The following NTF3 variants were observed in gnomAD, a reference collection of about 807,000 sequenced individuals.
NTF3 encodes the protein neurotrophin-3.
A neutral mutation model predicts 26.3 loss-of-function variants in NTF3; 8 were observed. That is an observed-to-expected ratio of 0.30 (90% confidence interval 0.18 to 0.55). NTF3 has a LOEUF of 0.55. NTF3 is among the 20% of genes least tolerant of loss of function. NTF3 has a pLI of 0.93. For missense variants in NTF3, 276 were observed against 352.9 expected (o/e 0.78, Z 1.75); for synonymous variants, 154 against 145.5 (o/e 1.06, Z -0.42).
chr12:5,470,873 G>A (rs923060320), intron 1 of NTF3, among the ~76,000 whole-genome samples: 2 of 152,208 alleles, frequency 1.3e-5, no homozygotes, highest in African/African-American at 4.8e-5. Context: ...GTGTGGCCCA[G>A]ATGATTTCTG....
rs1052584724 is a variant in NTF3 at position 5,432,244 on chromosome 12, G to C, written c.-81G>C. The C allele has an allele frequency of 1.3e-6, 2 of 1,482,228 alleles. No homozygotes were observed. The highest frequency in any genetic ancestry group is 2.8e-5 in the African/African-American group (2 of 72,308). 91.8% of individuals were successfully genotyped at this position (1,482,228 alleles called of 1,614,324 possible). On this transcript the variant is annotated 5_prime_UTR_variant, in exon 1 of 2. Coordinates refer to ENST00000423158, the MANE Select transcript of NTF3 (RefSeq NM_001102654.2). ...CCTGCTGGGTAGTGGCTGCGGCGGG[G>C]TGGGGGAGACTTTGAATGACCGAGC...
intron 1 of NTF3, among the ~76,000 whole-genome samples, chr12:5,465,125 T>C (rs1250768006): frequency 6.6e-6 from 1 of 152,090 alleles, no homozygotes; most frequent in Non-Finnish European, 1.5e-5. Flanking sequence ...CAAGCTCACA[T>C]CTCCCGCCCT....
At chr12:5,457,486 G>A (rs1940466485) in intron 1 of NTF3, among the ~76,000 whole-genome samples, 1 of 152,060 alleles carries the variant, frequency 6.6e-6, no homozygotes, top group Non-Finnish European at 1.5e-5. Context: ...CCTGGTTTTT[G>A]TCCTACCTCT....
intron 1 of NTF3, among the ~76,000 whole-genome samples, chr12:5,477,237 C>T (rs1310229741): frequency 6.6e-6 from 1 of 152,150 alleles, no homozygotes; most frequent in Admixed American, 6.5e-5. Context: ...AATCCCAGCT[C>T]CGCTAAGCTG....
chr12:5,491,929 T>C (rs966302765), intron 1 of NTF3, among the ~76,000 whole-genome samples: 6 of 151,982 alleles, frequency 3.9e-5, no homozygotes, highest in Admixed American at 2.6e-4. Flanking sequence ...TTAGCCAGGA[T>C]GGTCTCGATC....
intron 1 of NTF3, among the ~76,000 whole-genome samples, chr12:5,482,036 GCATA>G (rs1940812702): frequency 6.6e-6 from 1 of 151,246 alleles, no homozygotes; most frequent in Non-Finnish European, 1.5e-5. Context: ...ACACTCGCAG[GCATA>G]CATGCATGCA....
At chr12:5,446,701 T>A (rs1171472142) in intron 1 of NTF3, among the ~76,000 whole-genome samples, 1 of 152,206 alleles carries the variant, frequency 6.6e-6, no homozygotes, top group Non-Finnish European at 1.5e-5. Context: ...TATGGAATCA[T>A]TGCAATCCCT....
intron 1 of NTF3, among the ~76,000 whole-genome samples, chr12:5,484,348 A>G (rs1426006259): frequency 1.3e-5 from 2 of 152,144 alleles, no homozygotes; most frequent in African/African-American, 2.4e-5. Context: ...GATAATAATC[A>G]TTTCTTCTCT....
intron 1 of NTF3, among the ~76,000 whole-genome samples, chr12:5,434,985 G>A (rs777204589): frequency 5.9e-5 from 9 of 152,140 alleles, no homozygotes; most frequent in Non-Finnish European, 1.0e-4. Flanking sequence ...TGCAGGGAAG[G>A]ACACCGGGTT....
At position 5,467,228 on chromosome 12, in the gene NTF3, C is replaced by CAAAAAAAAAAA. The variant is rs60794349; in HGVS notation, c.19-26941_19-26931dup. On this transcript the variant is annotated intron_variant, in intron 1 of 1. Coordinates refer to ENST00000423158, the MANE Select transcript of NTF3 (RefSeq NM_001102654.2). ...TGTGCAACAGAGCGAGACTCCGTCT[C>CAAAAAAAAAAA]AAAAAAAAAAAAAAAAAAAAAAAAA... Among the ~76,000 whole-genome samples the CAAAAAAAAAAA allele has an allele frequency of 7.3e-4, 36 of 49,550 alleles. 3 individuals carry two copies. Among genetic ancestry groups the CAAAAAAAAAAA allele is most frequent in the African/African-American group, 2.6e-3 (27 of 10,280 alleles). The allele number at this position is 49,550 out of a possible 152,430, so 32.5% of individuals were successfully genotyped here. A position where few individuals can be genotyped will look rare whatever the true frequency, so the allele number is the denominator to read the frequency against.
chr12:5,470,177 G>A (rs1446637496), intron 1 of NTF3, among the ~76,000 whole-genome samples: 1 of 152,146 alleles, frequency 6.6e-6, no homozygotes, highest in African/African-American at 2.4e-5. Context: ...ACCCGCCTCG[G>A]CCTCCCAAAG....
At chr12:5,471,005 G>A (rs1275227636) in intron 1 of NTF3, among the ~76,000 whole-genome samples, 2 of 151,342 alleles carry the variant, frequency 1.3e-5, no homozygotes, top group African/African-American at 4.8e-5. Flanking sequence ...TTTTGGCAAT[G>A]CAAGTTTCCA....
chr12:5,453,662 T>G (rs1940402533), intron 1 of NTF3, among the ~76,000 whole-genome samples: 1 of 152,236 alleles, frequency 6.6e-6, no homozygotes, highest in Admixed American at 6.5e-5. Context: ...TCTTCTCGCA[T>G]TTGCCTAGTC....
chr12:5,438,745 T>G (rs989758128), intron 1 of NTF3, among the ~76,000 whole-genome samples: 8 of 152,226 alleles, frequency 5.3e-5, no homozygotes, highest in Non-Finnish European at 1.0e-4. Context: ...GTGACTGGGC[T>G]CTGTCACTAA....
intron 1 of NTF3, among the ~76,000 whole-genome samples, chr12:5,493,012 C>T (rs1380932453): frequency 1.3e-5 from 2 of 152,156 alleles, no homozygotes; most frequent in African/African-American, 4.8e-5. Context: ...TGATGTACCC[C>T]CCTGGGAGCC....
intron 1 of NTF3, among the ~76,000 whole-genome samples, chr12:5,435,165 T>C (rs74056337): frequency 0.087 from 13,182 of 152,280 alleles, 616 homozygotes; most frequent in South Asian, 0.12. Flanking sequence ...ATGCACTATC[T>C]GTGCCTGGTG....
intron 1 of NTF3, among the ~76,000 whole-genome samples, chr12:5,482,187 C>T (rs1940815619): frequency 6.6e-6 from 1 of 152,210 alleles, no homozygotes. Flanking sequence ...CACACACACA[C>T]ACTGCCTGAC....
chr12:5,475,603 G>A (rs1203345817), intron 1 of NTF3, among the ~76,000 whole-genome samples: 1 of 152,140 alleles, frequency 6.6e-6, no homozygotes, highest in Non-Finnish European at 1.5e-5. Flanking sequence ...GGGAGGCTAT[G>A]GTGGGAGGAT....
chr12:5,447,155 T>A (rs1327468953), intron 1 of NTF3, among the ~76,000 whole-genome samples: 1 of 152,286 alleles, frequency 6.6e-6, no homozygotes, highest in Middle Eastern at 3.4e-3. Flanking sequence ...ACCCCAAATA[T>A]ACAGCATCAC....
Sources: gnomAD v4.1 joint callset for allele counts (sites outside exome capture counted in the v4.1 genomes callset) on GRCh38, gnomAD v4.1.1 for gene constraint, MANE v1.5 for transcripts, NCBI Gene and HGNC (gene_info 2026-07-23, HGNC 2026-07-21) for gene names.